The following TNK2 variants were observed in gnomAD, a reference collection of about 807,000 sequenced individuals.
TNK2 encodes activated CDC42 kinase 1.
Under a neutral mutation model 101.8 loss-of-function variants are expected in TNK2, and 83 were observed. That is an observed-to-expected ratio of 0.82 (90% CI 0.68 to 0.98). The LOEUF is 0.98. Ranked by LOEUF, TNK2 falls within the 50% of genes least tolerant of loss-of-function variation. TNK2 has a pLI of 0.00. For missense variants in TNK2, 1,665 were observed against 1,483.2 expected, an observed-to-expected ratio of 1.12 and a Z score of -2.01; for synonymous variants, 804 against 633.0, an observed-to-expected ratio of 1.27 and a Z score of -4.06.
intron 6 of TNK2, among the ~76,000 whole-genome samples, chr3:195,880,688 C>T (rs111283176): frequency 1.4e-4 from 13 of 95,182 alleles, no homozygotes; most frequent in East Asian, 3.6e-4. Context: ...CAATGACCCT[C>T]GGAGAGGACA....
chr3:195,871,334 G>A (rs1392013318), intron 10 of TNK2, among the ~76,000 whole-genome samples: 1 of 152,102 alleles, frequency 6.6e-6, no homozygotes, highest in Non-Finnish European at 1.5e-5. Context: ...ACTGTGTGGT[G>A]GGGAGGCGGA....
At chr3:195,873,992 C>T (rs1461710103) in intron 9 of TNK2, among the ~76,000 whole-genome samples, 1 of 152,104 alleles carries the variant, frequency 6.6e-6, no homozygotes, top group Non-Finnish European at 1.5e-5. Flanking sequence ...AGACGAGTCC[C>T]ATCTGAAAAA....
chr3:195,877,260 G>A (rs1048165226), intron 9 of TNK2, among the ~76,000 whole-genome samples: 15 of 152,128 alleles, frequency 9.9e-5, no homozygotes, highest in Non-Finnish European at 2.9e-5. Flanking sequence ...GTCTCAGTAT[G>A]TCATTCCTAT....
At chr3:195,906,765 A>T (rs1761764036) in intron 1 of TNK2, among the ~76,000 whole-genome samples, 1 of 152,188 alleles carries the variant, frequency 6.6e-6, no homozygotes, top group Admixed American at 6.5e-5. Context: ...ATCTCAATAA[A>T]ACTGTTATTT....
chr3:195,879,354 T>G (rs773365175), intron 6 of TNK2, 179 bp from the exon 7 acceptor site: 95 of 854,180 alleles, frequency 1.1e-4, no homozygotes, highest in Non-Finnish European at 1.6e-4. Context: ...ATGCAGGGAC[T>G]TGGGGAAATC....
chr3:195,897,165 A>C (rs1490447767), intron 1 of TNK2, among the ~76,000 whole-genome samples: 2 of 152,112 alleles, frequency 1.3e-5, no homozygotes, highest in African/African-American at 4.8e-5. Context: ...GCCTTAACTC[A>C]CCCCTCTGTG....
At chr3:195,879,002 G>A in intron 7 of TNK2, 47 bp downstream of exon 7, 6 of 1,598,586 alleles carry the variant, frequency 3.8e-6, no homozygotes, top group African/African-American at 1.3e-5. Context: ...AGCAGGGAAT[G>A]GAATTCACCC....
chr3:195,870,428 G>A (rs1278846393), intron 10 of TNK2: 1 of 1,381,900 alleles, frequency 7.2e-7, no homozygotes, highest in African/African-American at 1.5e-5. Flanking sequence ...GGAAAGCCTA[G>A]GACCTCAGGG....
At chr3:195,907,964 T>C (rs780697349) in intron 1 of TNK2, 2 of 152,328 alleles carry the variant, frequency 1.3e-5, no homozygotes, top group Non-Finnish European at 2.9e-5. Flanking sequence ...CAGGACGGCG[T>C]GGCAGAAGCG....
Position 195,867,282 on chromosome 3 carries a change from TG to T in TNK2, c.2938-19del. Reference sequence around the variant, plus strand: ...GCCTGCAGCTGGGCACACCCACCCCTGTCAGCACCACTAGGGCCCACTGCTC... The same window carrying T: ...GCCTGCAGCTGGGCACACCCACCCCTTCAGCACCACTAGGGCCCACTGCTC... On this transcript the variant is annotated intron_variant, in intron 13 of 15. Transcript: ENST00000672887. The T allele has an allele frequency of 8.7e-7, 1 of 1,144,784 alleles. No individual in the cohort carries two copies. Among genetic ancestry groups the T allele is most frequent in the East Asian group, 2.5e-5 (1 of 39,944 alleles). 70.9% of individuals were successfully genotyped at this position (1,144,784 alleles called of 1,614,324 possible).
At chr3:195,892,633 G>C in intron 1 of TNK2, 1 of 1,431,904 alleles carries the variant, frequency 7.0e-7, no homozygotes, top group African/African-American at 1.4e-5. Context: ...CCGCTCTGCT[G>C]CAAGCCCCGC....
At position 195,882,081 on chromosome 3, in the gene TNK2, A is replaced by G. The variant is rs1298225833; in HGVS notation, c.857T>C (p.Met286Thr). Residue 286 changes from methionine to threonine, a missense_variant, in exon 6 of 16, where the codon ATG (methionine) becomes ACG (threonine). Coordinates refer to ENST00000672887, the MANE Select transcript of TNK2 (RefSeq NM_001382273.1). The surrounding 1 kb of genome is among the most constrained non-coding windows in gnomAD (Gnocchi z 4.2). ...GAAGGGCACCTTGCGATGTTCCTGC[A>G]TGACGTAATGGTCGTCATTCTGAGG... is the stretch of plus-strand genomic sequence containing the variant. ...ALPQNDDHYV[M>T]QEHRKVPFAW... is the part of the protein sequence containing the mutation. The G allele has an allele frequency of 2.5e-6, 4 of 1,612,098 alleles. No homozygotes were observed. The highest frequency in any genetic ancestry group is 1.3e-5 in the African/African-American group (1 of 74,928).
At position 195,885,778 on chromosome 3, in the gene TNK2, T is replaced by C; in HGVS notation, c.235-745A>G. The C allele has an allele frequency of 5.5e-6, 2 of 365,402 alleles. No individual in the cohort carries two copies. The highest frequency in any genetic ancestry group is 1.0e-5 in the Non-Finnish European group (2 of 190,934). 22.6% of individuals were successfully genotyped at this position (365,402 alleles called of 1,614,324 possible). A position where few individuals can be genotyped will look rare whatever the true frequency, so the allele number is the denominator to read the frequency against. On this transcript the variant is annotated intron_variant, in intron 3 of 15. Coordinates refer to ENST00000672887, the MANE Select transcript of TNK2 (RefSeq NM_001382273.1). This position sits in a 1 kb window ranked among gnomAD's most constrained non-coding sequence, Gnocchi z 4.7. ...GAAAGGAGGCCATGAGGGTCAAAGC[T>C]GGCCACGTCGGTCTGACTCGGCCTC...
At position 195,882,186 on chromosome 3, in the gene TNK2, C is replaced by T. The variant is rs760128364; in HGVS notation, c.752G>A (p.Arg251His). Residue 251 changes from arginine to histidine, a missense_variant, in exon 6 of 16, where the codon CGT (arginine) becomes CAT (histidine). Physicochemically the swap from Arg to His is conservative, Grantham distance 29. Around this residue, in one of 3 missense-constraint regions of TNK2, gnomAD observed 490 missense variants for 522.5 expected, o/e 0.94. Coordinates refer to ENST00000672887, the MANE Select transcript of TNK2 (RefSeq NM_001382273.1). This position sits in a 1 kb window ranked among gnomAD's most constrained non-coding sequence, Gnocchi z 4.2. The part of the protein sequence containing the change: ...GYLESKRFIH[R>H]DLAARNLLLA... ...CAGCAGATTGCGGGCAGCCAGGTCA[C>T]GGTGAATAAAGCGCTTGGACTCCAG... The T allele has an allele frequency of 6.2e-7, 1 of 1,613,904 alleles. No individual in the cohort carries two copies. Among genetic ancestry groups the T allele is most frequent in the Non-Finnish European group, 8.5e-7 (1 of 1,180,014 alleles).
Position 195,864,180 on chromosome 3 carries a change from C to T in TNK2, c.*1G>A. ...AGGCCCTCTGGCTCTCCAGACGCAT[C>T]TCAGCGCCTAGAGAATGGGAAACCA... On this transcript the variant is annotated 3_prime_UTR_variant, in exon 16 of 16. Transcript: ENST00000672887. 1 of 1,614,008 alleles carries T rather than the reference C, an allele frequency of 6.2e-7. No individual in the cohort carries two copies. Among genetic ancestry groups the T allele is most frequent in the Non-Finnish European group, 8.5e-7 (1 of 1,179,908 alleles).
chr3:195,891,704 C>G (rs1758533257), intron 1 of TNK2, among the ~76,000 whole-genome samples: 1 of 152,086 alleles, frequency 6.6e-6, no homozygotes, highest in Non-Finnish European at 1.5e-5. Context: ...CCTAGTCTCC[C>G]GCAGGGAGAG....
chr3:195,869,627 G>T, intron 11 of TNK2, 86 bp from the exon 12 acceptor site: 1 of 1,335,714 alleles, frequency 7.5e-7, no homozygotes, highest in Non-Finnish European at 1.0e-6. Context: ...AGAGGGCAGA[G>T]TGTAGAGAGA....
At position 195,864,096 on chromosome 3, in the gene TNK2, T is replaced by G; in HGVS notation, c.*85A>C. On this transcript the variant is annotated 3_prime_UTR_variant, in exon 16 of 16. Coordinates refer to ENST00000672887, the MANE Select transcript of TNK2 (RefSeq NM_001382273.1). ...GCAGGAGCAGCGGGTCCTCCAGGAC[T>G]GGATGGGGGCATCTCCCCACTCCTG... 6.3e-7 allele frequency: 1 copy of G among 1,587,468 alleles called. No homozygotes were observed. The highest frequency in any genetic ancestry group is 2.2e-5 in the East Asian group (1 of 44,700).
chr3:195,864,952 A>G (rs1456356176), intron 15 of TNK2, among the ~76,000 whole-genome samples: 14 of 109,016 alleles, frequency 1.3e-4, no homozygotes, highest in East Asian at 6.1e-4. Context: ...GAGTGCCTGC[A>G]TCCCAGATGC....
Sources: gnomAD v4.1 joint callset for allele counts (sites outside exome capture counted in the v4.1 genomes callset) on GRCh38, gnomAD v4.1.1 for gene constraint, gnomAD v4.1.1 regional missense constraint, Gnocchi (gnomAD v3.1) non-coding constraint, MANE v1.5 for transcripts, NCBI Gene and HGNC (gene_info 2026-07-23, HGNC 2026-07-21) for gene names.